The following CSMD3 variants were observed in gnomAD, a reference collection of about 807,000 sequenced individuals.
CSMD3 encodes CUB and Sushi multiple domains 3.
Under a neutral mutation model 435.2 loss-of-function variants are expected in CSMD3, and 177 were observed. The observed-to-expected ratio is 0.41, with a 90% CI of 0.36 to 0.46. The LOEUF (loss-of-function observed/expected upper bound fraction) is 0.46. Among genes scored for constraint, CSMD3 ranks in the 20% least tolerant of loss-of-function variants. The pLI is 0.34. For missense variants in CSMD3, 4,265 were observed against 4,504.6 expected, an observed-to-expected ratio of 0.95 and a Z score of 1.52; for synonymous variants, 1,656 against 1,520.5, an observed-to-expected ratio of 1.09 and a Z score of -2.07.
At chr8:113,262,161 T>C (rs1354024076) in intron 3 of CSMD3, among the ~76,000 whole-genome samples, 2 of 152,042 alleles carry the variant, frequency 1.3e-5, no homozygotes, top group Admixed American at 1.3e-4. Flanking sequence ...TGAAGCATAA[T>C]ATATGATTAT....
At chr8:112,312,379 C>T (rs190598709) in intron 49 of CSMD3, among the ~76,000 whole-genome samples, 132 of 152,048 alleles carry the variant, frequency 8.7e-4, no homozygotes, top group East Asian at 3.1e-3. Flanking sequence ...CCCAGCCTCC[C>T]GAGTAGGTAG....
intron 38 of CSMD3, among the ~76,000 whole-genome samples, chr8:112,375,491 C>T (rs1828858503): frequency 6.6e-6 from 1 of 152,036 alleles, no homozygotes. Context: ...GAAGAGCAGT[C>T]AAACTTGCAA....
chr8:112,532,290 A>T (rs551675526), intron 27 of CSMD3, among the ~76,000 whole-genome samples: 1 of 152,222 alleles, frequency 6.6e-6, no homozygotes, highest in Admixed American at 6.5e-5. Context: ...TAGGGATACA[A>T]AATATATTCA....
chr8:112,461,922 G>T (rs1424761581), intron 32 of CSMD3, among the ~76,000 whole-genome samples: 5 of 152,100 alleles, frequency 3.3e-5, no homozygotes, highest in Non-Finnish European at 7.4e-5. Flanking sequence ...TAATTCTCTA[G>T]CTTCCAGTAG....
chr8:112,711,100 A>T (rs2076600633), intron 13 of CSMD3, among the ~76,000 whole-genome samples: 1 of 152,166 alleles, frequency 6.6e-6, no homozygotes, highest in African/African-American at 2.4e-5. Context: ...TGGATATTTT[A>T]GCAGCATTAT....
At chr8:113,428,167 CA>C (rs1308991705) in intron 1 of CSMD3, among the ~76,000 whole-genome samples, 8 of 151,448 alleles carry the variant, frequency 5.3e-5, no homozygotes, top group African/African-American at 1.9e-4. Context: ...TTGAAAATTA[CA>C]AAACCAATTA....
chr8:112,382,817 C>T (rs2131250147), intron 37 of CSMD3, among the ~76,000 whole-genome samples: 1 of 152,168 alleles, frequency 6.6e-6, no homozygotes, highest in Admixed American at 6.5e-5. Flanking sequence ...TAGCGAAACC[C>T]CATCTCTACC....
chr8:112,722,267 G>A, intron 13 of CSMD3, among the ~76,000 whole-genome samples: 1 of 151,698 alleles, frequency 6.6e-6, no homozygotes, highest in Non-Finnish European at 1.5e-5. Context: ...AATGCAATGA[G>A]TGCAAATTAA....
At chr8:112,262,114 AT>A (rs1816466262) in intron 61 of CSMD3, among the ~76,000 whole-genome samples, 1 of 152,064 alleles carries the variant, frequency 6.6e-6, no homozygotes, top group African/African-American at 2.4e-5. Context: ...ATTTAGATAG[AT>A]TCTAAATGTT....
chr8:113,226,119 C>T (rs1208342802), intron 3 of CSMD3, among the ~76,000 whole-genome samples: 1 of 151,478 alleles, frequency 6.6e-6, no homozygotes, highest in South Asian at 2.1e-4. Flanking sequence ...TCAATCAAAC[C>T]TCTTTTCTTT....
chr8:112,868,807 C>T (rs2081055327), intron 10 of CSMD3, among the ~76,000 whole-genome samples: 1 of 152,034 alleles, frequency 6.6e-6, no homozygotes, highest in African/African-American at 2.4e-5. Flanking sequence ...ATTGAATATC[C>T]ACTTGCAAAA....
intron 13 of CSMD3, among the ~76,000 whole-genome samples, chr8:112,720,706 G>A (rs558971255): frequency 6.6e-6 from 1 of 152,318 alleles, no homozygotes; most frequent in East Asian, 1.9e-4. Flanking sequence ...GCCAAGCACA[G>A]TGCCGGATTC....
intron 22 of CSMD3, among the ~76,000 whole-genome samples, chr8:112,607,095 T>C (rs1832858220): frequency 1.4e-5 from 2 of 146,938 alleles, no homozygotes; most frequent in African/African-American, 5.0e-5. Context: ...AAACCAAGAG[T>C]TGGTTTTTTG....
At chr8:112,604,620 T>C (rs1439786205) in intron 22 of CSMD3, among the ~76,000 whole-genome samples, 1 of 152,078 alleles carries the variant, frequency 6.6e-6, no homozygotes, top group Non-Finnish European at 1.5e-5. Context: ...TCCCCTTTCA[T>C]CATATACAAA....
chr8:112,652,942 A>G (rs1263985441), intron 18 of CSMD3, among the ~76,000 whole-genome samples: 1 of 151,950 alleles, frequency 6.6e-6, no homozygotes, highest in Non-Finnish European at 1.5e-5. Context: ...TCAGCCTCCC[A>G]AGTAGTGGGA....
chr8:112,228,013 T>G (rs1012092361), intron 70 of CSMD3, among the ~76,000 whole-genome samples: 4 of 151,974 alleles, frequency 2.6e-5, no homozygotes, highest in Admixed American at 6.6e-5. Flanking sequence ...CTGCACTCCA[T>G]CCTGAGCGAC....
intron 12 of CSMD3, among the ~76,000 whole-genome samples, chr8:112,809,376 C>T (rs985882913): frequency 3.3e-5 from 5 of 152,102 alleles, no homozygotes; most frequent in East Asian, 1.9e-4. Context: ...GAAAATCTCA[C>T]GCAGATTCAT....
Position 112,237,244 on chromosome 8 carries a change from T to C in CSMD3, c.10573A>G (p.Thr3525Ala). 1.2e-6 allele frequency: 2 copies of C among 1,613,626 alleles called. No homozygotes were observed. The highest frequency in any genetic ancestry group is 2.2e-5 in the South Asian group (2 of 91,076). Residue 3525 changes from threonine to alanine, a missense_variant, in exon 67 of 71, where the codon ACT (threonine) becomes GCT (alanine). By Grantham distance (58) the Thr-to-Ala change is moderately conservative. Around this residue, in one of 3 missense-constraint regions of CSMD3, gnomAD observed 3,255 missense variants for 3,380.2 expected, o/e 0.96. Transcript: ENST00000297405. Reference sequence around the variant, plus strand: ...CTCAGTGTTGCGTTAACTCTCCCAGTGGAAGCATTGAAACTAGTAACTGTT... The same window carrying C: ...CTCAGTGTTGCGTTAACTCTCCCAGCGGAAGCATTGAAACTAGTAACTGTT... ...TLTVTSFNAS[T>A]GRVNATLSNS...
intron 32 of CSMD3, among the ~76,000 whole-genome samples, chr8:112,435,026 T>A (rs1003878234): frequency 1.4e-4 from 21 of 152,054 alleles, no homozygotes; most frequent in African/African-American, 5.1e-4. Context: ...TTTTATCTAT[T>A]CTTAAGCATG....
Sources: allele counts gnomAD v4.1 joint callset (sites outside exome capture counted in the v4.1 genomes callset), GRCh38; gene constraint gnomAD v4.1.1; regional missense constraint gnomAD v4.1.1; transcripts MANE v1.5; gene names NCBI Gene and HGNC (gene_info 2026-07-23, HGNC 2026-07-21).